CEACAM19: variants seen among roughly 807,000 people sequenced by gnomAD.
CEACAM19 encodes the protein cell adhesion molecule CEACAM19.
CEACAM19 carries 37 observed loss-of-function variants against 37.6 expected under a neutral mutation model. That is an observed-to-expected ratio of 0.98 (90% CI 0.76 to 1.29). The LOEUF (loss-of-function observed/expected upper bound fraction) is 1.29. Ranked by LOEUF, CEACAM19 falls within the 50% of genes most tolerant of loss-of-function variation. The pLI is 0.00. For synonymous variants in CEACAM19, 140 were observed against 149.8 expected, an observed-to-expected ratio of 0.93 and a Z score of 0.48; for missense variants, 340 against 375.6, an observed-to-expected ratio of 0.91 and a Z score of 0.78.
In CEACAM19 at chr19:44,672,757, G is replaced by A. The variant is rs150400036; in HGVS notation, c.217G>A (p.Gly73Arg). ...FNWYLGEETYGGTRLFTYIPG... is the reference protein window; with the variant it reads ...FNWYLGEETYRGTRLFTYIPG... ...CTGGTACCTGGGGGAGGAGACGTACGGAGGCACGAGGCTATTTACCTACAT... is the reference window on the plus strand; with the variant it reads ...CTGGTACCTGGGGGAGGAGACGTACAGAGGCACGAGGCTATTTACCTACAT... Residue 73 changes from glycine (G) to arginine (R), a missense_variant, in exon 2 of 8, where the codon GGA (glycine) becomes AGA (arginine). Coordinates refer to ENST00000358777, the MANE Select transcript of CEACAM19 (RefSeq NM_001127893.3). 2.0e-5 allele frequency: 32 copies of A among 1,581,516 alleles called. No individual in the cohort carries two copies. Among genetic ancestry groups the A allele is most frequent in the Admixed American group, 1.4e-4 (8 of 56,230 alleles).
Position 44,682,548 on chromosome 19 carries a change from C to T in CEACAM19, c.793-19C>T, listed in dbSNP as rs762982456. On this transcript the variant is annotated intron_variant, in intron 6 of 7. Coordinates refer to ENST00000358777, the MANE Select transcript of CEACAM19 (RefSeq NM_001127893.3). ...TGGGGGGTGCCGAGCGCCCACTCAC[C>T]CGTGTCCTTCCCTTGCAGCCCCTGC... is the stretch of plus-strand genomic sequence containing the variant. 1.3e-6 allele frequency: 2 copies of T among 1,589,534 alleles called. No homozygotes were observed. The highest frequency in any genetic ancestry group is 8.6e-7 in the Non-Finnish European group (1 of 1,167,938).
intron 3 of CEACAM19, chr19:44,677,498 G>A (rs1437586344): frequency 6.6e-6 from 1 of 152,194 alleles, no homozygotes; most frequent in Non-Finnish European, 1.5e-5. Flanking sequence ...CCCCCAGGGA[G>A]AGTCTATTCG....
upstream of CEACAM19, among the ~76,000 whole-genome samples, chr19:44,668,372 ATATT>A (rs372914609): frequency 9.6e-4 from 5 of 5,192 alleles, no homozygotes; most frequent in Non-Finnish European, 2.7e-3. Context: ...ATATGTTTAT[ATATT>A]ATATATATAA....
chr19:44,670,459 G>A (rs1208298890), upstream of CEACAM19, among the ~76,000 whole-genome samples: 1 of 152,036 alleles, frequency 6.6e-6, no homozygotes, highest in Non-Finnish European at 1.5e-5. Flanking sequence ...AGGATCATCT[G>A]AGGTCAGGAG....
At chr19:44,682,469 A>T in intron 6 of CEACAM19, 98 bp from the exon 7 acceptor site, 7 of 1,231,666 alleles carry the variant, frequency 5.7e-6, no homozygotes, top group South Asian at 1.3e-5. Context: ...GGGAGGGGTG[A>T]TGGGGACTTG....
chr19:44,672,681 G>T lies in CEACAM19; in HGVS notation c.141G>T (p.Gln47His). Residue 47 changes from glutamine to histidine, a missense_variant, in exon 2 of 8, where the codon CAG becomes CAT. Coordinates refer to ENST00000358777, the MANE Select transcript of CEACAM19 (RefSeq NM_001127893.3). ...TTCCAGAGCAGCCTCAAAAGAACCAGGACCTTCTCCTGTCAGTCCAGGGTG... is the reference window on the plus strand; with the variant it reads ...TTCCAGAGCAGCCTCAAAAGAACCATGACCTTCTCCTGTCAGTCCAGGGTG... The part of the protein sequence containing the change: ...QKIPEQPQKN[Q>H]DLLLSVQGVP... 6.4e-7 allele frequency: 1 copy of T among 1,555,146 alleles called. No individual in the cohort carries two copies. The highest frequency in any genetic ancestry group is 8.7e-7 in the Non-Finnish European group (1 of 1,149,888).
At chr19:44,667,786 A>ATATATATAAATTATATAATTTATATAT (rs1436646421), upstream of CEACAM19, among the ~76,000 whole-genome samples, 595 of 71,984 alleles carry the variant, frequency 8.3e-3, 9 homozygotes, top group Non-Finnish European at 0.012. Flanking sequence ...TAATATATAA[A>ATATATATAAATTATATAATTTATATAT]TATATATAAA....
At chr19:44,668,483 T>TA (rs1177200187), upstream of CEACAM19, among the ~76,000 whole-genome samples, 110 of 63,984 alleles carry the variant, frequency 1.7e-3, 16 homozygotes, top group African/African-American at 8.5e-3. Flanking sequence ...ATAATATATA[T>TA]ATTATATATA....
At chr19:44,680,880 C>T (rs1304107103) in intron 5 of CEACAM19, among the ~76,000 whole-genome samples, 1 of 152,134 alleles carries the variant, frequency 6.6e-6, no homozygotes, top group Admixed American at 6.5e-5. Context: ...ACTCACTTCT[C>T]TCTACTATCT....
At chr19:44,667,958 CTA>C (rs920735150), upstream of CEACAM19, among the ~76,000 whole-genome samples, 26 of 65,490 alleles carry the variant, frequency 4.0e-4, 1 homozygote, top group Non-Finnish European at 5.1e-4. Context: ...TTATATAAAT[CTA>C]TATAAATATA....
At chr19:44,675,168 A>G (rs1482146265) in intron 2 of CEACAM19, among the ~76,000 whole-genome samples, 1 of 151,090 alleles carries the variant, frequency 6.6e-6, no homozygotes, top group Non-Finnish European at 1.5e-5. Context: ...CCTAAGAACT[A>G]GGTATTCATA....
intron 7 of CEACAM19, chr19:44,683,055 ACTCTCT>A (rs3028346): frequency 0.028 from 4,158 of 150,768 alleles, 58 homozygotes; most frequent in South Asian, 0.035. Flanking sequence ...CCTTTCTTGG[ACTCTCT>A]CTCTCTCTCT....
Position 44,672,714 on chromosome 19 carries a change from C to T in CEACAM19, c.174C>T (p.Asp58=). 1 of 1,581,194 alleles carries T rather than the reference C, an allele frequency of 6.3e-7. No individual in the cohort carries two copies. ...TCCTGTCAGTCCAGGGTGTCCCAGA[C>T]ACCTTCCAGGACTTCAACTGGTACC... ...DLLLSVQGVP[D]TFQDFNWYLG... is the part of the protein sequence containing the mutation. Residue 58 remains aspartate (D), a synonymous_variant, in exon 2 of 8, where the codon GAC becomes GAT. Coordinates refer to ENST00000358777, the MANE Select transcript of CEACAM19 (RefSeq NM_001127893.3).
chr19:44,669,822 G>A (rs1463004454), upstream of CEACAM19, among the ~76,000 whole-genome samples: 1 of 152,008 alleles, frequency 6.6e-6, no homozygotes, highest in Non-Finnish European at 1.5e-5. Context: ...CCAGACTCCT[G>A]GGCTCCTCCA....
intron 2 of CEACAM19, among the ~76,000 whole-genome samples, 164 bp from the exon 3 acceptor site, chr19:44,676,107 G>A (rs1451520123): frequency 6.6e-6 from 1 of 152,096 alleles, no homozygotes; most frequent in Non-Finnish European, 1.5e-5. Context: ...CACCCAGATG[G>A]TTGGATACTC....
At chr19:44,681,041 G>GT (rs1211134686) in intron 5 of CEACAM19, among the ~76,000 whole-genome samples, 186 bp from the exon 6 acceptor site, 1 of 152,016 alleles carries the variant, frequency 6.6e-6, no homozygotes, top group Non-Finnish European at 1.5e-5. Context: ...CCACTGGACT[G>GT]TAAGTCCTGG....
upstream of CEACAM19, among the ~76,000 whole-genome samples, chr19:44,668,579 AATT>A: frequency 1.1e-5 from 1 of 87,122 alleles, no homozygotes; most frequent in African/African-American, 4.9e-5. Flanking sequence ...ATATGTATAT[AATT>A]ATATAATTAT....
Position 44,683,463 on chromosome 19 carries a change from C to T in CEACAM19, c.873C>T (p.Pro291=). The T allele has an allele frequency of 1.3e-6, 2 of 1,566,066 alleles. No homozygotes were observed. The highest frequency in any genetic ancestry group is 1.7e-6 in the Non-Finnish European group (2 of 1,153,456). ...YQDLLNPDPA[P]YCQLVPTS is the part of the protein sequence containing the mutation. ...ACCTGCTAAACCCCGACCCTGCCCC[C>T]TACTGCCAGCTGGTGCCAACTTCCT... The change falls in exon 8 of 8, where the codon CCC becomes CCT. Residue 291 remains proline (P), a synonymous_variant. Coordinates refer to ENST00000358777, the MANE Select transcript of CEACAM19 (RefSeq NM_001127893.3).
At chr19:44,670,343 A>G (rs1568513754), upstream of CEACAM19, among the ~76,000 whole-genome samples, 1 of 151,580 alleles carries the variant, frequency 6.6e-6, no homozygotes, top group Non-Finnish European at 1.5e-5. Flanking sequence ...AAAAAGAATA[A>G]CACACTTGGA....
Sources: gnomAD v4.1 joint callset for allele counts (sites outside exome capture counted in the v4.1 genomes callset) on GRCh38, gnomAD v4.1.1 for gene constraint, MANE v1.5 for transcripts, NCBI Gene and HGNC (gene_info 2026-07-23, HGNC 2026-07-21) for gene names.